DACH2: variants seen among roughly 807,000 people sequenced by gnomAD.
The protein encoded by DACH2 is dachshund homolog 2.
A neutral mutation model predicts 35.8 loss-of-function variants in DACH2; 17 were observed. That is an observed-to-expected ratio of 0.48 (90% CI 0.33 to 0.71). DACH2 has a LOEUF of 0.71. Among genes scored for constraint, DACH2 ranks in the 30% least tolerant of loss-of-function variants. The probability of loss-of-function intolerance (pLI) is 0.02; values close to 1 mark genes in which losing one functional copy is unlikely to be tolerated. For missense variants in DACH2, 469 were observed against 472.7 expected (o/e 0.99, Z 0.07); for synonymous variants, 195 against 177.3 (o/e 1.10, Z -0.79).
chrX:86,161,878 TA>T (rs2030771093), intron 1 of DACH2, among the ~76,000 whole-genome samples: 1 of 111,953 alleles, frequency 8.9e-6, no homozygotes, highest in South Asian at 3.7e-4. Flanking sequence ...GATGTTTACA[TA>T]ATCCCTATTC....
intron 2 of DACH2, among the ~76,000 whole-genome samples, chrX:86,459,982 A>G (rs2037540407): frequency 9.0e-6 from 1 of 111,099 alleles, no homozygotes; most frequent in African/African-American, 3.3e-5. Context: ...ACTTAATTTG[A>G]ACATCTAGTT....
intron 3 of DACH2, among the ~76,000 whole-genome samples, chrX:86,533,881 T>C (rs1449775617): frequency 1.8e-5 from 2 of 111,413 alleles, no homozygotes; most frequent in Non-Finnish European, 3.8e-5. Flanking sequence ...TCTCATGTGA[T>C]ATTTGTGGCT....
At chrX:86,275,108 C>T (rs1269900759) in intron 1 of DACH2, among the ~76,000 whole-genome samples, 3 of 111,744 alleles carry the variant, frequency 2.7e-5, no homozygotes, top group Non-Finnish European at 5.6e-5. Context: ...ACTAAATGAA[C>T]TAAATAGGCA....
intron 3 of DACH2, among the ~76,000 whole-genome samples, chrX:86,606,396 A>T (rs984760602): frequency 9.7e-6 from 1 of 103,110 alleles, no homozygotes; most frequent in African/African-American, 3.6e-5. Context: ...TTCCATTATC[A>T]TTTGTTTCAA....
At chrX:86,695,771 C>A (rs56353322) in intron 5 of DACH2, among the ~76,000 whole-genome samples, 1 of 109,107 alleles carries the variant, frequency 9.2e-6, no homozygotes, top group African/African-American at 3.4e-5. Context: ...CCTAGGCCTC[C>A]CAAAGTGCTG....
intron 7 of DACH2, among the ~76,000 whole-genome samples, chrX:86,773,632 A>T (rs1247526460): frequency 8.9e-6 from 1 of 111,735 alleles, no homozygotes; most frequent in East Asian, 2.8e-4. Flanking sequence ...CAATTCCAAG[A>T]CCATTATTTT....
At chrX:86,193,338 A>G (rs1270370919) in intron 1 of DACH2, among the ~76,000 whole-genome samples, 2 of 111,511 alleles carry the variant, frequency 1.8e-5, no homozygotes, top group Admixed American at 9.6e-5. Context: ...CTATTTTTGC[A>G]TTTCTTAAAG....
rs184613087 is a variant in DACH2, at chrX:86,148,504, G to C, written c.-117G>C. The C allele has an allele frequency of 2.9e-3, 2,497 of 874,586 alleles. 2 individuals are homozygous for C. Among genetic ancestry groups the C allele is most frequent in the Non-Finnish European group, 3.5e-3 (2,257 of 640,947 alleles). 72.1% of individuals were successfully genotyped at this position (874,586 alleles called of 1,213,427 possible). ...GCTGCTGAAGACTTGCGAACAGTTCGGAGCCAGCGAGAGCGCGCCAGAGAG... is the reference window on the plus strand; with the variant it reads ...GCTGCTGAAGACTTGCGAACAGTTCCGAGCCAGCGAGAGCGCGCCAGAGAG... On this transcript the variant is annotated 5_prime_UTR_variant, in exon 1 of 12. Coordinates refer to ENST00000373125, the MANE Select transcript of DACH2 (RefSeq NM_053281.3).
chrX:86,307,939 T>C (rs1361826904), intron 1 of DACH2, among the ~76,000 whole-genome samples: 1 of 111,963 alleles, frequency 8.9e-6, no homozygotes, highest in African/African-American at 3.3e-5. Context: ...CACTTAATTT[T>C]GCAGCTCAGG....
intron 1 of DACH2, among the ~76,000 whole-genome samples, chrX:86,305,995 GTGGGAA>G (rs2034679394): frequency 1.8e-5 from 2 of 112,089 alleles, no homozygotes; most frequent in African/African-American, 6.5e-5. Context: ...TACACTGTTG[GTGGGAA>G]TGTAAATTAG....
rs747103744 is a variant in DACH2, at chrX:86,436,094, G to A, written c.527+59232G>A. Among the ~76,000 whole-genome samples the A allele has an allele frequency of 4.4e-3, 479 of 109,089 alleles. 1 individual carries two copies. The highest frequency in any genetic ancestry group is 6.8e-3 in the Non-Finnish European group (358 of 52,321). 94.7% of individuals were successfully genotyped at this position (109,089 alleles called of 115,157 possible). On this transcript the variant is annotated intron_variant, in intron 2 of 11. Transcript: ENST00000373125. The stretch of plus-strand genomic sequence containing the variant: ...AGATCTATAATTCATTAATTAACAC[G>A]TTATTAGTTTATAATGTATTATGAA...
intron 6 of DACH2, among the ~76,000 whole-genome samples, chrX:86,720,723 C>T (rs2041395706): frequency 8.9e-6 from 1 of 112,310 alleles, no homozygotes. Context: ...TGGCCCTCTT[C>T]TCAATGTTCC....
intron 2 of DACH2, among the ~76,000 whole-genome samples, chrX:86,438,381 G>T (rs985303642): frequency 9.1e-6 from 1 of 109,540 alleles, no homozygotes; most frequent in Non-Finnish European, 1.9e-5. Context: ...CTGCCATCAC[G>T]CCCGGCTAAT....
intron 2 of DACH2, among the ~76,000 whole-genome samples, chrX:86,476,233 T>C (rs2037841137): frequency 8.9e-6 from 1 of 111,936 alleles, no homozygotes; most frequent in Non-Finnish European, 1.9e-5. Flanking sequence ...TTTTCCAGAA[T>C]AGTTTGAGTA....
At chrX:86,191,308 C>A (rs188956996) in intron 1 of DACH2, among the ~76,000 whole-genome samples, 1 of 111,949 alleles carries the variant, frequency 8.9e-6, no homozygotes. Flanking sequence ...TTAAAATGAA[C>A]AAGACCATGT....
chrX:86,699,602 T>C (rs2041115248), intron 5 of DACH2, among the ~76,000 whole-genome samples: 1 of 111,580 alleles, frequency 9.0e-6, no homozygotes, highest in South Asian at 3.8e-4. Context: ...CATATGGGAA[T>C]TATGGGAATA....
intron 1 of DACH2, among the ~76,000 whole-genome samples, chrX:86,223,063 A>G (rs942165273): frequency 1.8e-5 from 2 of 111,738 alleles, no homozygotes; most frequent in African/African-American, 3.2e-5. Flanking sequence ...AAAACCAAAT[A>G]CCTACAGCTT....
At chrX:86,300,866 T>C (rs779689965) in intron 1 of DACH2, among the ~76,000 whole-genome samples, 16 of 112,054 alleles carry the variant, frequency 1.4e-4, no homozygotes, top group Non-Finnish European at 2.8e-4. Context: ...TCAGCTTCCT[T>C]TGATTTAAAA....
rs111786537 is a variant in DACH2, at chrX:86,765,876, C to T, written c.1240+25994C>T. ...GTCATTTTAACTATATTGATACTTC[C>T]AATCCATGAGCATGGAATATTTTTC... On this transcript the variant is annotated intron_variant, in intron 7 of 11. Coordinates refer to ENST00000373125, the MANE Select transcript of DACH2 (RefSeq NM_053281.3). Among the ~76,000 whole-genome samples the T allele has an allele frequency of 2.5e-3, 276 of 108,451 alleles. 3 individuals carry two copies. The highest frequency in any genetic ancestry group is 9.0e-3 in the African/African-American group (268 of 29,793). 94.2% of individuals were successfully genotyped at this position (108,451 alleles called of 115,157 possible). A position where few individuals can be genotyped will look rare whatever the true frequency, so the allele number is the denominator to read the frequency against.
Sources: gnomAD v4.1 joint callset for allele counts (sites outside exome capture counted in the v4.1 genomes callset) on GRCh38, gnomAD v4.1.1 for gene constraint, MANE v1.5 for transcripts, NCBI Gene and HGNC (gene_info 2026-07-23, HGNC 2026-07-21) for gene names.